The following KLB variants were observed in gnomAD, a reference collection of about 807,000 sequenced individuals.
KLB encodes the protein beta-klotho.
In KLB, 44 loss-of-function variants were observed where a neutral mutation model predicts 88.4. The observed-to-expected ratio is 0.50, with a 90% CI of 0.39 to 0.64. KLB has a LOEUF of 0.64. Ranked by LOEUF, KLB falls within the 30% of genes least tolerant of loss-of-function variation. KLB has a pLI of 0.00. For synonymous variants in KLB, 548 were observed against 513.4 expected (o/e 1.07, Z -0.91); for missense variants, 1,137 against 1,304.8 (o/e 0.87, Z 1.98).
chr4:39,445,891 A>G (rs1158347380), intron 3 of KLB, among the ~76,000 whole-genome samples: 1 of 152,066 alleles, frequency 6.6e-6, no homozygotes, highest in East Asian at 1.9e-4. Context: ...ACCCCACCGC[A>G]CCAGCCTTTT....
At position 39,424,088 on chromosome 4, in the gene KLB, T is replaced by TTAACA. The variant is rs1427247158; in HGVS notation, c.826-10122_826-10121insTAACA. ...TATTTTTTGTTTTTGTTTTTGTTTTTGAGACAGGTCTCATTCTGTCACCCA... is the reference window on the plus strand; with the variant it reads ...TATTTTTTGTTTTTGTTTTTGTTTTTTAACAGAGACAGGTCTCATTCTGTCACCCA... On this transcript the variant is annotated intron_variant, in intron 1 of 4. Coordinates refer to ENST00000257408, the MANE Select transcript of KLB (RefSeq NM_175737.4). Among the ~76,000 whole-genome samples the TTAACA allele has an allele frequency of 3.3e-5, 5 of 151,842 alleles. No homozygotes were observed. In the East Asian group the frequency reaches 9.6e-4, roughly 29 times the overall value.
At chr4:39,428,091 C>A (rs990829156) in intron 1 of KLB, among the ~76,000 whole-genome samples, 1 of 152,130 alleles carries the variant, frequency 6.6e-6, no homozygotes, top group African/African-American at 2.4e-5. Flanking sequence ...CACCAGTGGA[C>A]AAAATGTATG....
In KLB at chr4:39,451,080, A is replaced by C. The variant is rs1743885863; in HGVS notation, c.*2394A>C. 1 of 152,098 alleles carries C rather than the reference A, an allele frequency of 6.6e-6. No homozygotes were observed. The highest frequency in any genetic ancestry group is 6.6e-5 in the Admixed American group (1 of 15,256). The allele number at this position is 152,098 out of a possible 1,614,324, so 9.4% of individuals were successfully genotyped here. A position where few individuals can be genotyped will look rare whatever the true frequency, so the allele number is the denominator to read the frequency against. ...ACTCCCCTAAGTAATAAAATTCCTA[A>C]CCCAGTACTGAGAGTCCTCCTTCTC... On this transcript the variant is annotated 3_prime_UTR_variant, in exon 5 of 5. Coordinates refer to ENST00000257408, the MANE Select transcript of KLB (RefSeq NM_175737.4).
At position 39,413,431 on chromosome 4, in the gene KLB, G is replaced by A. The variant is rs370958903; in HGVS notation, c.825+5657G>A. Among the ~76,000 whole-genome samples, 80 of 152,152 alleles carry A rather than the reference G, an allele frequency of 5.3e-4. 1 individual carries two copies. The South Asian group carries it at 0.01, about 20-fold the overall frequency. On this transcript the variant is annotated intron_variant, in intron 1 of 4. Transcript: ENST00000257408. ...TTACTCCACTAAATATTGCCAAAGC[G>A]GGGCAGAGTTGCTCCTGCCTGTAAT...
Position 39,446,220 on chromosome 4 carries a change from G to A in KLB, c.1606-112G>A. On this transcript the variant is annotated intron_variant, in intron 3 of 4. Coordinates refer to ENST00000257408, the MANE Select transcript of KLB (RefSeq NM_175737.4). This position sits in a 1 kb window ranked among gnomAD's most constrained non-coding sequence, Gnocchi z 6.4. ...TTGGGAGATTTCAAGGGCTGGAATA[G>A]GCCTGGCGTGGTGGCCTGTAATCCC... The A allele has an allele frequency of 1.1e-6, 1 of 904,604 alleles. No individual in the cohort carries two copies. The highest frequency in any genetic ancestry group is 2.6e-5 in the East Asian group (1 of 38,566). The allele number at this position is 904,604 out of a possible 1,614,324, so 56.0% of individuals were successfully genotyped here. A position where few individuals can be genotyped will look rare whatever the true frequency, so the allele number is the denominator to read the frequency against.
intron 1 of KLB, among the ~76,000 whole-genome samples, chr4:39,418,602 C>T (rs1157089515): frequency 6.6e-6 from 1 of 151,766 alleles, no homozygotes; most frequent in Non-Finnish European, 1.5e-5. Flanking sequence ...GCATATAATG[C>T]CAACCCATCT....
chr4:39,427,579 C>T (rs1349575840), intron 1 of KLB, among the ~76,000 whole-genome samples: 3 of 151,652 alleles, frequency 2.0e-5, no homozygotes, highest in African/African-American at 4.9e-5. Flanking sequence ...AAAAGGACAA[C>T]GAGTAAAACT....
intron 1 of KLB, among the ~76,000 whole-genome samples, chr4:39,423,236 T>C (rs1298087206): frequency 6.6e-6 from 1 of 151,650 alleles, no homozygotes; most frequent in Non-Finnish European, 1.5e-5. Flanking sequence ...TACATATAAA[T>C]GTTACACATA....
In KLB at chr4:39,437,747, C is replaced by T. The variant is rs777383398; in HGVS notation, c.1357C>T (p.Arg453Ter). The T allele has an allele frequency of 1.2e-6, 2 of 1,611,742 alleles. No individual in the cohort carries two copies. Among genetic ancestry groups the T allele is most frequent in the African/African-American group, 1.3e-5 (1 of 74,804 alleles). The change falls in exon 3 of 5, where the codon CGA becomes TGA. Residue 453 changes from arginine (R) to a stop codon, truncating the protein, a stop_gained. Coordinates refer to ENST00000257408, the MANE Select transcript of KLB (RefSeq NM_175737.4). LOFTEE classifies it high-confidence loss of function. The stretch of plus-strand genomic sequence containing the variant: ...TGCAGCAATAAGGTTAGATGAAATA[C>T]GAGTGTTTGGTTATACTGCCTGGTC... ...VLQAIRLDEI[R>*]VFGYTAWSLL...
chr4:39,442,728 C>T (rs1006890812), intron 3 of KLB, among the ~76,000 whole-genome samples: 1 of 152,060 alleles, frequency 6.6e-6, no homozygotes, highest in Non-Finnish European at 1.5e-5. Context: ...CCACTGCACC[C>T]GGCCTCTGCC....
Position 39,407,594 on chromosome 4 carries a change from A to G in KLB, c.645A>G (p.Ile215Met), listed in dbSNP as rs763544174. ...KYGGWKNDTI[I>M]DIFNDYATYC... ...GGGGGTGGAAAAATGATACCATAAT[A>G]GATATCTTCAATGACTATGCCACAT... The change falls in exon 1 of 5, where the codon ATA becomes ATG. Residue 215 changes from isoleucine (I) to methionine (M), a missense_variant. Physicochemically the swap from Ile to Met is conservative, Grantham distance 10. Coordinates refer to ENST00000257408, the MANE Select transcript of KLB (RefSeq NM_175737.4). 2 of 1,614,188 alleles carry G rather than the reference A, an allele frequency of 1.2e-6. No individual in the cohort carries two copies.
At chr4:39,409,398 T>C (rs111860113) in intron 1 of KLB, among the ~76,000 whole-genome samples, 48 of 150,878 alleles carry the variant, frequency 3.2e-4, no homozygotes, top group African/African-American at 1.1e-3. Context: ...GTTCAAGCAA[T>C]TCTCCTGCCT....
chr4:39,408,000 C>A (rs1323357357), intron 1 of KLB, among the ~76,000 whole-genome samples: 1 of 152,108 alleles, frequency 6.6e-6, no homozygotes, highest in Non-Finnish European at 1.5e-5. Context: ...CACTTTGAGG[C>A]TATTTTTAAA....
Position 39,450,953 on chromosome 4 carries a change from T to C in KLB, c.*2267T>C, listed in dbSNP as rs908359839. The C allele has an allele frequency of 6.6e-6, 1 of 152,148 alleles. No homozygotes were observed. The highest frequency in any genetic ancestry group is 2.4e-5 in the African/African-American group (1 of 41,450). 9.4% of individuals were successfully genotyped at this position (152,148 alleles called of 1,614,324 possible). ...TCTCTTTCTCACTTTGTTTAAAGTA[T>C]CTCGTACTCACAGTTCACAAATTAA... On this transcript the variant is annotated 3_prime_UTR_variant, in exon 5 of 5. Coordinates refer to ENST00000257408, the MANE Select transcript of KLB (RefSeq NM_175737.4).
chr4:39,418,957 A>G (rs553028485), intron 1 of KLB, among the ~76,000 whole-genome samples: 2 of 150,768 alleles, frequency 1.3e-5, no homozygotes, highest in African/African-American at 2.5e-5. Flanking sequence ...AAAAAAAAAA[A>G]AAAAGAAAAA....
At chr4:39,427,819 G>A (rs143445440) in intron 1 of KLB, among the ~76,000 whole-genome samples, 3 of 152,234 alleles carry the variant, frequency 2.0e-5, no homozygotes, top group Non-Finnish European at 4.4e-5. Context: ...TGACGTTCAC[G>A]AAAATTCTCT....
chr4:39,426,834 T>A (rs535383889), intron 1 of KLB, among the ~76,000 whole-genome samples: 10 of 152,150 alleles, frequency 6.6e-5, no homozygotes, highest in African/African-American at 2.4e-4. Flanking sequence ...ACTACAGGCA[T>A]GCCACCATGC....
At chr4:39,424,884 C>T (rs1358100155) in intron 1 of KLB, among the ~76,000 whole-genome samples, 1 of 151,884 alleles carries the variant, frequency 6.6e-6, no homozygotes, top group Non-Finnish European at 1.5e-5. Context: ...CCGCCTCGGC[C>T]TCCCAAAGTG....
intron 1 of KLB, among the ~76,000 whole-genome samples, chr4:39,429,644 A>C (rs1743298687): frequency 6.6e-6 from 1 of 152,208 alleles, no homozygotes; most frequent in Non-Finnish European, 1.5e-5. Context: ...TACAAATTAG[A>C]GGGTGACCTT....
Sources: gnomAD v4.1 joint callset for allele counts (sites outside exome capture counted in the v4.1 genomes callset) on GRCh38, gnomAD v4.1.1 for gene constraint, Gnocchi (gnomAD v3.1) non-coding constraint, MANE v1.5 for transcripts, NCBI Gene and HGNC (gene_info 2026-07-23, HGNC 2026-07-21) for gene names.